The following UBE2E2 variants were observed in gnomAD, a reference collection of about 807,000 sequenced individuals.
The protein encoded by UBE2E2 is ubiquitin conjugating enzyme E2 E2.
UBE2E2 carries 6 observed loss-of-function variants against 24.7 expected under a neutral mutation model. The ratio of observed to expected loss-of-function variants is 0.24; its 90% confidence interval spans 0.13 to 0.48. The LOEUF is 0.48. Among genes scored for constraint, UBE2E2 ranks in the 20% least tolerant of loss-of-function variants. UBE2E2 has a pLI of 0.99. For synonymous variants in UBE2E2, 104 were observed against 83.6 expected (o/e 1.24, Z -1.33); for missense variants, 169 against 245.0 (o/e 0.69, Z 2.07).
At chr3:23,372,958 C>G (rs910745490) in intron 3 of UBE2E2, among the ~76,000 whole-genome samples, 16 of 152,144 alleles carry the variant, frequency 1.1e-4, no homozygotes, top group Non-Finnish European at 2.1e-4. Flanking sequence ...ATCCACTATT[C>G]TTATTTCAAT....
intron 3 of UBE2E2, among the ~76,000 whole-genome samples, chr3:23,423,775 G>A (rs568800257): frequency 1.3e-5 from 2 of 152,234 alleles, no homozygotes; most frequent in African/African-American, 2.4e-5. Flanking sequence ...TGTTTTTAAT[G>A]AGAATATGAT....
chr3:23,551,367 T>C (rs1695639182), intron 5 of UBE2E2, among the ~76,000 whole-genome samples: 1 of 152,228 alleles, frequency 6.6e-6, no homozygotes. Flanking sequence ...GAAATGTGAA[T>C]GCTTTAAGAA....
chr3:23,448,404 C>T (rs1027175202), intron 3 of UBE2E2, among the ~76,000 whole-genome samples: 1 of 152,180 alleles, frequency 6.6e-6, no homozygotes, highest in South Asian at 2.1e-4. Flanking sequence ...ATTTTCACAA[C>T]TAGCAGCAGG....
At chr3:23,492,593 G>A (rs1289938965) in intron 3 of UBE2E2, among the ~76,000 whole-genome samples, 1 of 152,108 alleles carries the variant, frequency 6.6e-6, no homozygotes, top group Non-Finnish European at 1.5e-5. Flanking sequence ...TTTATTTTCA[G>A]CTAGCTAATT....
At chr3:23,283,708 A>G (rs1698536686) in intron 3 of UBE2E2, among the ~76,000 whole-genome samples, 1 of 152,140 alleles carries the variant, frequency 6.6e-6, no homozygotes, top group South Asian at 2.1e-4. Context: ...AGCCATGATC[A>G]CAGCACTGCA....
intron 5 of UBE2E2, among the ~76,000 whole-genome samples, chr3:23,549,122 T>C (rs1695584910): frequency 6.6e-6 from 1 of 152,272 alleles, no homozygotes; most frequent in South Asian, 2.1e-4. Context: ...CTATACTTTG[T>C]AAGCAGCACT....
intron 3 of UBE2E2, among the ~76,000 whole-genome samples, chr3:23,399,361 C>T (rs1215801438): frequency 6.6e-6 from 1 of 152,070 alleles, no homozygotes; most frequent in Admixed American, 6.6e-5. Flanking sequence ...GATCTGGTAA[C>T]TGAGATGGCT....
At chr3:23,454,076 A>G (rs183454792) in intron 3 of UBE2E2, among the ~76,000 whole-genome samples, 7 of 152,296 alleles carry the variant, frequency 4.6e-5, no homozygotes, top group Admixed American at 2.0e-4. Flanking sequence ...TTAGAATCAT[A>G]GACTCCTAGA....
At chr3:23,296,552 T>C (rs147285884) in intron 3 of UBE2E2, among the ~76,000 whole-genome samples, 4,476 of 152,242 alleles carry the variant, frequency 0.029, 124 homozygotes, top group East Asian at 0.14. Context: ...ACTGAGAACA[T>C]GCGGTGTTTG....
intron 3 of UBE2E2, among the ~76,000 whole-genome samples, chr3:23,464,863 C>T (rs749858382): frequency 5.3e-5 from 8 of 152,128 alleles, no homozygotes; most frequent in Non-Finnish European, 1.2e-4. Context: ...TCTTTAATTA[C>T]TAAGTGTTTT....
chr3:23,248,275 A>G (rs1697472194), intron 3 of UBE2E2, among the ~76,000 whole-genome samples: 2 of 152,258 alleles, frequency 1.3e-5, no homozygotes, highest in Non-Finnish European at 2.9e-5. Context: ...CAACATGGCC[A>G]GAATTAACCC....
rs180969666 is a variant in UBE2E2 at position 23,439,878 on chromosome 3, A to C, written c.228-59730A>C. Among the ~76,000 whole-genome samples the C allele has an allele frequency of 3.9e-5, 6 of 152,256 alleles. No individual in the cohort carries two copies. The East Asian group carries it at 1.2e-3, about 29-fold the overall frequency. ...TTTTAACCTATACAGTTTGAGGAAC[A>C]AGAAACCTACCTGACATCAAGATTA... is the stretch of plus-strand genomic sequence containing the variant. On this transcript the variant is annotated intron_variant, in intron 3 of 5. Transcript: ENST00000396703.
chr3:23,540,220 T>C (rs1223249432), intron 5 of UBE2E2, among the ~76,000 whole-genome samples: 1 of 152,032 alleles, frequency 6.6e-6, no homozygotes, highest in Non-Finnish European at 1.5e-5. Flanking sequence ...TAATATTGTT[T>C]TAATACCATT....
chr3:23,576,975 C>T (rs541962256), intron 5 of UBE2E2, among the ~76,000 whole-genome samples: 1 of 151,942 alleles, frequency 6.6e-6, no homozygotes, highest in South Asian at 2.1e-4. Context: ...CTGTCAGCCC[C>T]ATTTTTCCAA....
chr3:23,510,273 G>A (rs1364383411), intron 4 of UBE2E2, among the ~76,000 whole-genome samples: 1 of 152,128 alleles, frequency 6.6e-6, no homozygotes, highest in East Asian at 1.9e-4. Flanking sequence ...CAAAAATAAG[G>A]AGAAACAAAG....
intron 3 of UBE2E2, among the ~76,000 whole-genome samples, chr3:23,455,572 T>C (rs568303757): frequency 1.3e-5 from 2 of 152,198 alleles, no homozygotes; most frequent in African/African-American, 4.8e-5. Flanking sequence ...TTAGCCGGGC[T>C]AATTTTTTAA....
chr3:23,520,402 A>G (rs561095430), intron 4 of UBE2E2, among the ~76,000 whole-genome samples: 1 of 152,334 alleles, frequency 6.6e-6, no homozygotes, highest in East Asian at 1.9e-4. Context: ...GTTACAACTT[A>G]CTGTTTATAC....
chr3:23,238,827 GC>G (rs926763312), intron 3 of UBE2E2, among the ~76,000 whole-genome samples: 1 of 152,184 alleles, frequency 6.6e-6, no homozygotes, highest in African/African-American at 2.4e-5. Context: ...ACTGGGACCT[GC>G]CACATGGGGT....
intron 3 of UBE2E2, among the ~76,000 whole-genome samples, chr3:23,293,124 T>C (rs1280268479): frequency 6.6e-6 from 1 of 152,218 alleles, no homozygotes; most frequent in Non-Finnish European, 1.5e-5. Flanking sequence ...GTTGTGATTA[T>C]TAAATATTTG....
Sources: allele counts gnomAD v4.1 joint callset (sites outside exome capture counted in the v4.1 genomes callset), GRCh38; gene constraint gnomAD v4.1.1; transcripts MANE v1.5; gene names NCBI Gene and HGNC (gene_info 2026-07-23, HGNC 2026-07-21).